Variants in RHCE observed in about 807,000 individuals in gnomAD.
The protein encoded by RHCE is Rh blood group CcEe antigens.
In RHCE, 22 loss-of-function variants were observed where a neutral mutation model predicts 43.8. That is an observed-to-expected ratio of 0.50 (90% CI 0.36 to 0.72). The LOEUF (loss-of-function observed/expected upper bound fraction) is 0.72. Ranked by LOEUF, RHCE falls within the 30% of genes least tolerant of loss-of-function variation. RHCE has a pLI of 0.00. For synonymous variants in RHCE, 156 were observed against 210.7 expected (o/e 0.74, Z 2.25); for missense variants, 385 against 525.4 (o/e 0.73, Z 2.61).
intron 1 of RHCE, among the ~76,000 whole-genome samples, chr1:25,416,668 G>A (rs1647485990): frequency 6.6e-6 from 1 of 152,028 alleles, no homozygotes; most frequent in Middle Eastern, 3.4e-3. Context: ...CCATGCTGGA[G>A]TGAAGTGGTA....
chr1:25,414,831 C>T (rs1397868071), intron 1 of RHCE, among the ~76,000 whole-genome samples: 1 of 152,156 alleles, frequency 6.6e-6, no homozygotes, highest in African/African-American at 2.4e-5. Context: ...GCATGAATGA[C>T]CCTGGGTGAA....
At chr1:25,374,216 GT>G (rs1284346589) in intron 8 of RHCE, among the ~76,000 whole-genome samples, 18 of 151,476 alleles carry the variant, frequency 1.2e-4, no homozygotes, top group Admixed American at 1.1e-3. Flanking sequence ...AGCCTCCCAA[GT>G]AGCTGGGATT....
chr1:25,416,146 C>G (rs1647402464), intron 1 of RHCE, among the ~76,000 whole-genome samples: 1 of 152,086 alleles, frequency 6.6e-6, no homozygotes, highest in African/African-American at 2.4e-5. Context: ...AGCCTTGAGT[C>G]TCCTAGCTTT....
chr1:25,367,957 G>A (rs1486588430), intron 9 of RHCE, among the ~76,000 whole-genome samples: 2 of 150,464 alleles, frequency 1.3e-5, no homozygotes, highest in African/African-American at 5.0e-5. Flanking sequence ...TGTGGGTGGC[G>A]GAGTGAGACC....
intron 7 of RHCE, chr1:25,385,417 T>C (rs2744790): frequency 4.4e-6 from 2 of 456,798 alleles, no homozygotes; most frequent in Non-Finnish European, 8.3e-6. Flanking sequence ...ACAGTCTCAA[T>C]TGGCTTGGGC....
intron 8 of RHCE, among the ~76,000 whole-genome samples, chr1:25,371,055 C>T (rs1218830597): frequency 4.7e-5 from 7 of 149,348 alleles, no homozygotes; most frequent in Non-Finnish European, 1.0e-4. Flanking sequence ...CACACCCGGC[C>T]GATTCTGTAA....
At position 25,420,819 on chromosome 1, in the gene RHCE, G is replaced by C. The variant is rs754990139; in HGVS notation, c.-33C>G. The C allele has an allele frequency of 3.7e-6, 6 of 1,602,360 alleles. No homozygotes were observed. Among genetic ancestry groups the C allele is most frequent in the Non-Finnish European group, 3.4e-6 (4 of 1,174,374 alleles). ...CCGTCTCTGTGCAGGGGTTCCACCA[G>C]CACCAGGCATCACCCCTCTCTCCAA... On this transcript the variant is annotated 5_prime_UTR_variant, in exon 1 of 10. Transcript: ENST00000294413.
At chr1:25,406,131 C>T (rs1204692523) in intron 2 of RHCE, among the ~76,000 whole-genome samples, 1 of 122,804 alleles carries the variant, frequency 8.1e-6, no homozygotes, top group African/African-American at 2.5e-5. Context: ...GCTGGTGTGA[C>T]CTTAAGCTAA....
At chr1:25,428,897 G>T (rs959227823) in intron 2 of RHCE, 1 of 152,340 alleles carries the variant, frequency 6.6e-6, no homozygotes, top group African/African-American at 2.4e-5. Flanking sequence ...GAGGCAGGAA[G>T]GGGGAAAGAT....
intron 3 of RHCE, among the ~76,000 whole-genome samples, chr1:25,397,314 T>C (rs1378135169): frequency 6.7e-6 from 1 of 149,366 alleles, no homozygotes; most frequent in Non-Finnish European, 1.5e-5. Flanking sequence ...CTGGCCAACA[T>C]GGCAAAACTC....
At chr1:25,384,854 G>A (rs563681223) in intron 7 of RHCE, among the ~76,000 whole-genome samples, 5 of 152,212 alleles carry the variant, frequency 3.3e-5, no homozygotes, top group Non-Finnish European at 5.9e-5. Flanking sequence ...CTCAGTAGGC[G>A]GTTGTGAGAA....
At chr1:25,379,493 A>T (rs1235211648) in intron 7 of RHCE, among the ~76,000 whole-genome samples, 79 of 17,862 alleles carry the variant, frequency 4.4e-3, no homozygotes, top group African/African-American at 0.022. Flanking sequence ...ATATATATAT[A>T]TATTTTTTTT....
intron 6 of RHCE, among the ~76,000 whole-genome samples, chr1:25,386,788 C>T (rs1168074413): frequency 6.6e-6 from 1 of 151,984 alleles, no homozygotes; most frequent in African/African-American, 2.4e-5. Flanking sequence ...CGCCACTGCA[C>T]TCCAGCCTGG....
intron 9 of RHCE, among the ~76,000 whole-genome samples, 157 bp from the exon 10 acceptor site, chr1:25,362,710 C>CA (rs1255785496): frequency 7.1e-5 from 5 of 69,952 alleles, no homozygotes; most frequent in Non-Finnish European, 1.4e-4. Context: ...GGTTTTATTT[C>CA]ATCTAACGTT....
chr1:25,370,686 G>A (rs1335956483), intron 8 of RHCE, 146 bp from the exon 9 acceptor site: 50 of 673,162 alleles, frequency 7.4e-5, no homozygotes, highest in South Asian at 5.0e-5. Context: ...ATAAATGGAC[G>A]CCCTGTCATT....
chr1:25,424,382 C>T (rs1024506367), upstream of RHCE, among the ~76,000 whole-genome samples: 1 of 152,022 alleles, frequency 6.6e-6, no homozygotes, highest in African/African-American at 2.4e-5. Flanking sequence ...CCCTGACTGC[C>T]CTTTTTTGCT....
chr1:25,370,849 A>G (rs1645586127), intron 8 of RHCE, among the ~76,000 whole-genome samples: 1 of 149,994 alleles, frequency 6.7e-6, no homozygotes, highest in Non-Finnish European at 1.5e-5. Context: ...CCCAGGTTCA[A>G]GCGATTCTCC....
At chr1:25,392,357 G>A (rs1426492415) in intron 3 of RHCE, among the ~76,000 whole-genome samples, 1 of 152,106 alleles carries the variant, frequency 6.6e-6, no homozygotes, top group East Asian at 1.9e-4. Flanking sequence ...TGCCTCCCAG[G>A]TTCACGCGAT....
intron 7 of RHCE, among the ~76,000 whole-genome samples, chr1:25,383,870 C>T (rs570610509): frequency 8.5e-5 from 13 of 152,282 alleles, no homozygotes; most frequent in African/African-American, 3.1e-4. Context: ...ATGTGGGAAG[C>T]GTTTGTACCA....
Sources: gnomAD v4.1 joint callset for allele counts (sites outside exome capture counted in the v4.1 genomes callset) on GRCh38, gnomAD v4.1.1 for gene constraint, MANE v1.5 for transcripts, NCBI Gene and HGNC (gene_info 2026-07-23, HGNC 2026-07-21) for gene names.